The following EPS15L1 variants were observed in gnomAD, a reference collection of about 807,000 sequenced individuals.
The protein encoded by EPS15L1 is epidermal growth factor receptor substrate 15-like 1.
EPS15L1 carries 43 observed loss-of-function variants against 117.1 expected under a neutral mutation model. The ratio of observed to expected loss-of-function variants is 0.37; its 90% confidence interval spans 0.29 to 0.47. The LOEUF (loss-of-function observed/expected upper bound fraction) is 0.47. Ranked by LOEUF, EPS15L1 falls within the 20% of genes least tolerant of loss-of-function variation. The pLI is 0.99. For missense variants in EPS15L1, 981 were observed against 1,164.0 expected (o/e 0.84, Z 2.29); for synonymous variants, 459 against 470.5 (o/e 0.98, Z 0.32).
At chr19:16,378,493 C>T (rs930702204) in intron 21 of EPS15L1, among the ~76,000 whole-genome samples, 18 of 152,136 alleles carry the variant, frequency 1.2e-4, no homozygotes, top group African/African-American at 4.1e-4. Context: ...CTGCCGTCCC[C>T]CAGAGCTCTC....
chr19:16,427,907 G>T (rs1181429349), intron 8 of EPS15L1, among the ~76,000 whole-genome samples: 1 of 142,962 alleles, frequency 7.0e-6, no homozygotes, highest in Non-Finnish European at 1.5e-5. Context: ...AAAAAAGAAA[G>T]AAAGAAAGAA....
At chr19:16,468,588 C>A (rs2145213457) in intron 1 of EPS15L1, among the ~76,000 whole-genome samples, 1 of 152,338 alleles carries the variant, frequency 6.6e-6, no homozygotes, top group South Asian at 2.1e-4. Context: ...TCAAGCAATC[C>A]ATCCACCTCA....
chr19:16,412,570 A>C (rs2092716203), intron 13 of EPS15L1: 1 of 152,560 alleles, frequency 6.6e-6, no homozygotes, highest in South Asian at 2.1e-4. Context: ...TAACACTTTG[A>C]GAAGCCAAGA....
intron 4 of EPS15L1, among the ~76,000 whole-genome samples, chr19:16,439,018 C>T (rs1053422966): frequency 6.6e-6 from 1 of 151,910 alleles, no homozygotes; most frequent in African/African-American, 2.4e-5. Flanking sequence ...AACCCAGGAC[C>T]CACCACACAA....
At chr19:16,451,203 G>A (rs371118355) in intron 1 of EPS15L1, among the ~76,000 whole-genome samples, 6 of 149,514 alleles carry the variant, frequency 4.0e-5, no homozygotes, top group African/African-American at 7.4e-5. Context: ...TGCCTGCCTC[G>A]GCCTCCCAAA....
rs1403603182 is a variant in EPS15L1, at chr19:16,431,965, G to A, written c.498+2400C>T. Among the ~76,000 whole-genome samples, 5 of 152,144 alleles carry A rather than the reference G, an allele frequency of 3.3e-5. No homozygotes were observed. In the East Asian group the frequency reaches 9.6e-4, roughly 29 times the overall value. On this transcript the variant is annotated intron_variant, in intron 7 of 23. Coordinates refer to ENST00000455140, the MANE Select transcript of EPS15L1 (RefSeq NM_001258374.3). ...AACGTGGATACAAAATACAGTAGTC[G>A]TGGGACGTGAAACCCGAATATACAG...
chr19:16,402,534 T>C (rs770191209), intron 15 of EPS15L1, 49 bp from the exon 16 acceptor site: 436 of 1,517,764 alleles, frequency 2.9e-4, no homozygotes, highest in Non-Finnish European at 3.8e-4. Context: ...GGAAAACATG[T>C]CAGAAAAGAC....
intron 22 of EPS15L1, among the ~76,000 whole-genome samples, chr19:16,372,002 CCT>C (rs1263137026): frequency 6.6e-6 from 1 of 152,304 alleles, no homozygotes; most frequent in East Asian, 1.9e-4. Flanking sequence ...AAAACAGACA[CCT>C]GCTGGTTATT....
intron 13 of EPS15L1, among the ~76,000 whole-genome samples, chr19:16,409,541 T>C (rs530943424): frequency 1.3e-5 from 2 of 152,258 alleles, no homozygotes; most frequent in African/African-American, 2.4e-5. Flanking sequence ...ATCAAGAATG[T>C]GGAAAGACAA....
chr19:16,418,141 G>A, intron 10 of EPS15L1, 37 bp from the exon 11 acceptor site: 1 of 1,585,380 alleles, frequency 6.3e-7, no homozygotes, highest in Non-Finnish European at 8.6e-7. Context: ...ACACATCACA[G>A]GCGCCGACTC....
chr19:16,425,548 A>C (rs2092863464), intron 8 of EPS15L1, among the ~76,000 whole-genome samples: 1 of 152,222 alleles, frequency 6.6e-6, no homozygotes, highest in Non-Finnish European at 1.5e-5. Context: ...GAAAGAATCC[A>C]ATCAAGCCAG....
At chr19:16,424,672 T>C (rs977666462) in intron 9 of EPS15L1, among the ~76,000 whole-genome samples, 5 of 152,016 alleles carry the variant, frequency 3.3e-5, no homozygotes, top group Non-Finnish European at 7.4e-5. Flanking sequence ...AATACTTTTT[T>C]TTTTTGAGAT....
rs2092202873 is a variant in EPS15L1 at position 16,370,268 on chromosome 19, G to C, written c.2380+6854C>G. Among the ~76,000 whole-genome samples the C allele has an allele frequency of 6.6e-6, 1 of 152,146 alleles. No homozygotes were observed. The highest frequency in any genetic ancestry group is 1.5e-5 in the Non-Finnish European group (1 of 68,016). On this transcript the variant is annotated intron_variant, in intron 22 of 23. Coordinates refer to ENST00000455140, the MANE Select transcript of EPS15L1 (RefSeq NM_001258374.3). This position sits in a 1 kb window ranked among gnomAD's most constrained non-coding sequence, Gnocchi z 5.2. ...GGCAGGCAAGGGGCGCGCTGACTCAGGGCTTTGAATAGGAGAGATGAAAGA... is the reference window on the plus strand; with the variant it reads ...GGCAGGCAAGGGGCGCGCTGACTCACGGCTTTGAATAGGAGAGATGAAAGA...
intron 1 of EPS15L1, among the ~76,000 whole-genome samples, chr19:16,451,690 G>A (rs1228359149): frequency 1.3e-5 from 2 of 151,442 alleles, no homozygotes; most frequent in Admixed American, 6.6e-5. Context: ...CACCTCACTC[G>A]TCTAATTTTT....
intron 12 of EPS15L1, among the ~76,000 whole-genome samples, chr19:16,416,336 C>A (rs1012752898): frequency 6.6e-6 from 1 of 152,022 alleles, no homozygotes; most frequent in South Asian, 2.1e-4. Flanking sequence ...GTCCTAGAAT[C>A]GACTGGAAAA....
chr19:16,405,940 A>G lies in EPS15L1; in HGVS notation c.1267-1191T>C, dbSNP rs1182629346. On this transcript the variant is annotated intron_variant, in intron 13 of 23. Transcript: ENST00000455140. This position sits in a 1 kb window ranked among gnomAD's most constrained non-coding sequence, Gnocchi z 4.0. ...CCAGCTGCCATGTGGAGCGTGGTGC[A>G]AGGGGCCATCAGGACGCAGGAACTG... Among the ~76,000 whole-genome samples the G allele has an allele frequency of 6.6e-6, 1 of 152,188 alleles. No individual in the cohort carries two copies. The highest frequency in any genetic ancestry group is 1.5e-5 in the Non-Finnish European group (1 of 68,032).
intron 7 of EPS15L1, among the ~76,000 whole-genome samples, chr19:16,431,812 C>G (rs1490016257): frequency 1.3e-5 from 2 of 152,212 alleles, no homozygotes; most frequent in Non-Finnish European, 2.9e-5. Context: ...GGACCCCACA[C>G]TACAACTATT....
At chr19:16,422,300 G>C (rs903986992) in intron 9 of EPS15L1, among the ~76,000 whole-genome samples, 27 of 152,304 alleles carry the variant, frequency 1.8e-4, no homozygotes, top group Admixed American at 1.3e-3. Flanking sequence ...GCACTCAGGG[G>C]CAGGCCCCTT....
intron 9 of EPS15L1, among the ~76,000 whole-genome samples, chr19:16,423,800 G>A (rs1156996178): frequency 1.3e-5 from 2 of 152,216 alleles, no homozygotes; most frequent in Non-Finnish European, 2.9e-5. Flanking sequence ...GGATCACAAA[G>A]AGGTAACAGG....
Sources: allele counts gnomAD v4.1 joint callset (sites outside exome capture counted in the v4.1 genomes callset), GRCh38; gene constraint gnomAD v4.1.1; non-coding constraint Gnocchi (gnomAD v3.1); transcripts MANE v1.5; gene names NCBI Gene and HGNC (gene_info 2026-07-23, HGNC 2026-07-21).